Variants in CTNNA2 observed in about 807,000 individuals in gnomAD.
CTNNA2 encodes catenin alpha-2.
A neutral mutation model predicts 101.0 loss-of-function variants in CTNNA2; 42 were observed. The ratio of observed to expected loss-of-function variants is 0.42; its 90% CI spans 0.32 to 0.54. The LOEUF is 0.54. CTNNA2 is among the 20% of genes least tolerant of loss of function. The pLI is 0.14. For missense variants in CTNNA2, 871 were observed against 1,223.1 expected (o/e 0.71, Z 4.29); for synonymous variants, 450 against 456.4 (o/e 0.99, Z 0.18).
chr2:79,536,788 AC>A (rs35250965), intron 1 of CTNNA2, among the ~76,000 whole-genome samples: 47,366 of 150,668 alleles, frequency 0.31, 8,271 homozygotes, highest in Non-Finnish European at 0.39. Context: ...TGCAACCTCT[AC>A]CCCCCGGGTT....
At chr2:80,538,483 T>G (rs1691244425) in intron 9 of CTNNA2, among the ~76,000 whole-genome samples, 1 of 152,220 alleles carries the variant, frequency 6.6e-6, no homozygotes, top group South Asian at 2.1e-4. Context: ...AAATGGGGAA[T>G]CCTTTCCCCA....
chr2:80,283,414 C>A (rs1401673611), intron 7 of CTNNA2, among the ~76,000 whole-genome samples: 1 of 152,028 alleles, frequency 6.6e-6, no homozygotes, highest in Non-Finnish European at 1.5e-5. Context: ...AAATACCTTT[C>A]TGTACAATTA....
At chr2:80,530,679 A>G (rs1370661304) in intron 9 of CTNNA2, among the ~76,000 whole-genome samples, 1 of 152,198 alleles carries the variant, frequency 6.6e-6, no homozygotes, top group Admixed American at 6.5e-5. Context: ...ATTTGAGAGT[A>G]TCAGAGATGG....
chr2:79,207,572 G>A (rs779562998), intron 2 of CTNNA2, among the ~76,000 whole-genome samples: 17 of 152,210 alleles, frequency 1.1e-4, no homozygotes, highest in African/African-American at 3.9e-4. Context: ...TTCTAGAATC[G>A]AATGACACAA....
At chr2:79,216,709 G>A (rs1489666283) in intron 2 of CTNNA2, among the ~76,000 whole-genome samples, 3 of 145,072 alleles carry the variant, frequency 2.1e-5, no homozygotes, top group Non-Finnish European at 4.5e-5. Context: ...GGGTTGGGGG[G>A]TTCTTGCCCC....
At chr2:79,654,890 A>G (rs1681502466) in intron 2 of CTNNA2, among the ~76,000 whole-genome samples, 1 of 152,182 alleles carries the variant, frequency 6.6e-6, no homozygotes, top group African/African-American at 2.4e-5. Flanking sequence ...TGATTCATGA[A>G]TTTTTTATGG....
intron 7 of CTNNA2, among the ~76,000 whole-genome samples, chr2:80,306,454 C>CTT (rs1677023077): frequency 7.3e-5 from 7 of 95,682 alleles, no homozygotes; most frequent in East Asian, 6.4e-4. Context: ...CTTTCTTTCT[C>CTT]TCTCTCTCTT....
chr2:80,300,938 C>T (rs1197785689), intron 7 of CTNNA2, among the ~76,000 whole-genome samples: 4 of 151,220 alleles, frequency 2.6e-5, no homozygotes, highest in Non-Finnish European at 5.9e-5. Context: ...GCAATCATCA[C>T]TCTCAACACA....
chr2:79,553,000 A>T (rs1194780830), intron 1 of CTNNA2, among the ~76,000 whole-genome samples: 3 of 152,178 alleles, frequency 2.0e-5, no homozygotes, highest in African/African-American at 7.2e-5. Flanking sequence ...GCTGGCTTGA[A>T]TTCCTTCTTA....
chr2:79,468,671 C>A (rs1336687325), intron 4 of CTNNA2, among the ~76,000 whole-genome samples: 1 of 152,190 alleles, frequency 6.6e-6, no homozygotes, highest in Admixed American at 6.5e-5. Context: ...GAAATTATAA[C>A]AAACTGTCTC....
At chr2:80,346,595 A>G (rs895655170) in intron 7 of CTNNA2, among the ~76,000 whole-genome samples, 1 of 152,024 alleles carries the variant, frequency 6.6e-6, no homozygotes, top group Non-Finnish European at 1.5e-5. Flanking sequence ...TTCTGCTTAT[A>G]CTCCTCAAGT....
chr2:79,958,256 C>A (rs189324144), intron 7 of CTNNA2, among the ~76,000 whole-genome samples: 1 of 152,240 alleles, frequency 6.6e-6, no homozygotes, highest in Admixed American at 6.5e-5. Flanking sequence ...ACAGACCCCC[C>A]AAAGATGTCC....
intron 1 of CTNNA2, chr2:79,633,793 C>G (rs1400619469): frequency 6.6e-6 from 1 of 152,186 alleles, no homozygotes; most frequent in Non-Finnish European, 1.5e-5. Flanking sequence ...GGTCATCTGT[C>G]TCTATTATTG....
At chr2:79,655,548 G>A (rs1180952789) in intron 2 of CTNNA2, among the ~76,000 whole-genome samples, 2 of 151,966 alleles carry the variant, frequency 1.3e-5, no homozygotes, top group African/African-American at 2.4e-5. Context: ...ATTCTTTTTG[G>A]CTGGGCGTGG....
At position 79,459,740 on chromosome 2, in the gene CTNNA2, G is replaced by A. The variant is rs552156642; in HGVS notation, c.-134-45314G>A. Among the ~76,000 whole-genome samples the A allele has an allele frequency of 2.6e-5, 4 of 152,160 alleles. No homozygotes were observed. The East Asian group carries it at 7.7e-4, about 29-fold the overall frequency. On this transcript the variant is annotated intron_variant, in intron 4 of 21. Transcript: ENST00000466387. ...TGATTGTTTAATATCTTTAGCATTG[G>A]TCCTTTTGATCACTCCTCTTTGACA...
chr2:80,216,801 A>G (rs1708292287), intron 7 of CTNNA2, among the ~76,000 whole-genome samples: 1 of 151,898 alleles, frequency 6.6e-6, no homozygotes, highest in Non-Finnish European at 1.5e-5. Flanking sequence ...TAATCAGGAA[A>G]TATTTCTCCG....
chr2:79,430,716 G>A (rs1284044289), intron 4 of CTNNA2, among the ~76,000 whole-genome samples: 2 of 151,928 alleles, frequency 1.3e-5, no homozygotes, highest in African/African-American at 4.8e-5. Context: ...TGGCTTATGG[G>A]GGCTATAAAA....
intron 4 of CTNNA2, among the ~76,000 whole-genome samples, chr2:79,407,367 T>C (rs1335592899): frequency 6.6e-6 from 1 of 151,970 alleles, no homozygotes; most frequent in East Asian, 1.9e-4. Flanking sequence ...GAGGCTGCCT[T>C]CAAACCAATT....
chr2:79,610,230 C>G (rs773274824), intron 1 of CTNNA2, among the ~76,000 whole-genome samples: 13 of 152,102 alleles, frequency 8.5e-5, no homozygotes, highest in Non-Finnish European at 1.6e-4. Flanking sequence ...ACACACTATT[C>G]ACACAATTAA....
Sources: allele counts gnomAD v4.1 joint callset (sites outside exome capture counted in the v4.1 genomes callset), GRCh38; gene constraint gnomAD v4.1.1; transcripts MANE v1.5; gene names NCBI Gene and HGNC (gene_info 2026-07-23, HGNC 2026-07-21).